POC1A: variants seen among roughly 807,000 people sequenced by gnomAD.
The protein encoded by POC1A is POC1 centriolar protein A.
A neutral mutation model predicts 47.8 loss-of-function variants in POC1A; 34 were observed. The ratio of observed to expected loss-of-function variants is 0.71; its 90% CI spans 0.54 to 0.95. The LOEUF is 0.95. Among genes scored for constraint, POC1A ranks in the 40% least tolerant of loss-of-function variants. The pLI is 0.00. For synonymous variants in POC1A, 177 were observed against 207.6 expected, an observed-to-expected ratio of 0.85 and a Z score of 1.27; for missense variants, 466 against 528.3, an observed-to-expected ratio of 0.88 and a Z score of 1.16.
chr3:52,135,636 C>G (rs745982969), intron 7 of POC1A, among the ~76,000 whole-genome samples: 3 of 152,186 alleles, frequency 2.0e-5, no homozygotes, highest in African/African-American at 4.8e-5. Flanking sequence ...AGACCTGGGT[C>G]CCAGGGGTGC....
chr3:52,116,955 A>G (rs1703586043), intron 9 of POC1A, among the ~76,000 whole-genome samples: 1 of 152,128 alleles, frequency 6.6e-6, no homozygotes, highest in Non-Finnish European at 1.5e-5. Context: ...TGGGAGGCCA[A>G]CGCAGGTGGA....
At chr3:52,138,086 C>T in intron 7 of POC1A, 83 bp downstream of exon 7, 1 of 1,463,740 alleles carries the variant, frequency 6.8e-7, no homozygotes, top group South Asian at 1.2e-5. Flanking sequence ...GGGTGACAAG[C>T]CTGTTTCTGC....
chr3:52,086,754 C>A (rs1359470923), intron 10 of POC1A, among the ~76,000 whole-genome samples: 1 of 152,234 alleles, frequency 6.6e-6, no homozygotes, highest in Non-Finnish European at 1.5e-5. Flanking sequence ...AGCTCAGGGG[C>A]CTTCATGTCA....
intron 9 of POC1A, among the ~76,000 whole-genome samples, chr3:52,104,832 G>T (rs936325855): frequency 6.6e-6 from 1 of 152,242 alleles, no homozygotes; most frequent in African/African-American, 2.4e-5. Flanking sequence ...AGTCCATGGA[G>T]TGTCAGGCCT....
intron 9 of POC1A, among the ~76,000 whole-genome samples, chr3:52,105,786 G>A (rs1360075759): frequency 6.6e-6 from 1 of 152,228 alleles, no homozygotes; most frequent in Non-Finnish European, 1.5e-5. Context: ...GGCAGCCTGA[G>A]CATGAGGGTG....
At position 52,084,318 on chromosome 3, in the gene POC1A, C is replaced by T. The variant is rs1290160904; in HGVS notation, c.1126-8333G>A. Among the ~76,000 whole-genome samples the T allele has an allele frequency of 6.6e-6, 1 of 152,226 alleles. No individual in the cohort carries two copies. The highest frequency in any genetic ancestry group is 1.5e-5 in the Non-Finnish European group (1 of 68,034). On this transcript the variant is annotated intron_variant, in intron 10 of 10. Transcript: ENST00000296484. This position sits in a 1 kb window ranked among gnomAD's most constrained non-coding sequence, Gnocchi z 4.3. The stretch of plus-strand genomic sequence containing the variant: ...ACCTTTGCTGAAGGCTTCCCTCATG[C>T]ACTCATGGGCAAACATGGCAGGGAA...
intron 1 of POC1A, among the ~76,000 whole-genome samples, chr3:52,151,485 C>T (rs1435135678): frequency 6.6e-6 from 1 of 151,798 alleles, no homozygotes; most frequent in Non-Finnish European, 1.5e-5. Context: ...GTGGCAGGCG[C>T]CTATAATCCC....
chr3:52,150,964 C>A lies in POC1A; in HGVS notation c.103+52G>T, dbSNP rs375626985. 75 of 1,559,502 alleles carry A rather than the reference C, an allele frequency of 4.8e-5. No homozygotes were observed. In the African/African-American group the frequency reaches 8.3e-4, roughly 17 times the overall value. The stretch of plus-strand genomic sequence containing the variant: ...ACCCACCACCCCTCCGAGGTAAAAA[C>A]TTGGCCTGTTCAGCTCATAACCTAG... On this transcript the variant is annotated intron_variant, in intron 2 of 10. Coordinates refer to ENST00000296484, the MANE Select transcript of POC1A (RefSeq NM_015426.5).
At chr3:52,146,929 C>T (rs1053091157) in intron 5 of POC1A, 59 bp downstream of exon 5, 8 of 1,394,526 alleles carry the variant, frequency 5.7e-6, no homozygotes, top group Non-Finnish European at 8.2e-6. Flanking sequence ...CTCCTCATGC[C>T]CAGGTCTGTG....
chr3:52,096,797 A>C, intron 9 of POC1A, 85 bp from the exon 10 acceptor site: 1 of 1,259,090 alleles, frequency 7.9e-7, no homozygotes, highest in Non-Finnish European at 1.1e-6. Context: ...AAAGGATGAA[A>C]GGGAAAACCA....
intron 9 of POC1A, among the ~76,000 whole-genome samples, chr3:52,110,433 C>T (rs1703341410): frequency 6.6e-6 from 1 of 152,128 alleles, no homozygotes; most frequent in African/African-American, 2.4e-5. Flanking sequence ...CAGACTTAAG[C>T]GACAGGTTTA....
intron 10 of POC1A, among the ~76,000 whole-genome samples, chr3:52,089,628 C>T (rs1158496148): frequency 6.6e-6 from 1 of 152,092 alleles, no homozygotes; most frequent in African/African-American, 2.4e-5. Context: ...GCCCTGTCTG[C>T]GAGTGGAAGC....
rs776023500 is a variant in POC1A at position 52,138,285 on chromosome 3, TCACTGCTG to T, written c.689_696del (p.Ala230GlufsTer18). ...CCCGACGGGTGGAAAGAGAGCCCGT[TCACTGCTG>T]CACTGTGCACTGGGGGAAGGACATC... On this transcript the variant is annotated frameshift_variant, in exon 7 of 11. Transcript: ENST00000296484. LOFTEE classifies it high-confidence loss of function. 3 of 1,612,986 alleles carry T rather than the reference TCACTGCTG, an allele frequency of 1.9e-6. No homozygotes were observed. Among genetic ancestry groups the T allele is most frequent in the Non-Finnish European group, 2.5e-6 (3 of 1,179,492 alleles).
chr3:52,111,125 G>A (rs1703365659), intron 9 of POC1A, among the ~76,000 whole-genome samples: 1 of 152,160 alleles, frequency 6.6e-6, no homozygotes, highest in South Asian at 2.1e-4. Context: ...ATTGGTTTAA[G>A]TCATTAAATA....
rs747567546 is a variant in POC1A at position 52,149,227 on chromosome 3, G to C, written c.438C>G (p.Asn146Lys). The C allele has an allele frequency of 3.1e-6, 5 of 1,614,012 alleles. No homozygotes were observed. The African/African-American group carries it at 5.3e-5, about 17-fold the overall frequency. ...ATGCTCACTTGGCACAGCGGACCCA[G>C]TTGATATGCTGGCTCAGGGAGAACA... ...KFLFSLSQHINWVRCAKFSPD... is the reference protein window; with the variant it reads ...KFLFSLSQHIKWVRCAKFSPD... Residue 146 changes from asparagine to lysine, a missense_variant, in exon 4 of 11, where the codon AAC (asparagine) becomes AAG (lysine). Physicochemically the swap from Asn to Lys is moderately conservative, Grantham distance 94 (BLOSUM62 0). Coordinates refer to ENST00000296484, the MANE Select transcript of POC1A (RefSeq NM_015426.5).
intron 9 of POC1A, among the ~76,000 whole-genome samples, chr3:52,103,060 C>T (rs111605266): frequency 3.3e-5 from 5 of 152,316 alleles, no homozygotes; most frequent in South Asian, 2.1e-4. Context: ...GACCAGTATC[C>T]GGCCAGTTAA....
intron 8 of POC1A, among the ~76,000 whole-genome samples, chr3:52,123,068 T>C (rs1396024012): frequency 6.6e-6 from 1 of 152,222 alleles, no homozygotes; most frequent in Non-Finnish European, 1.5e-5. Flanking sequence ...CCTCAGTTCC[T>C]GCATCTGCGA....
At chr3:52,131,154 T>C (rs1704197407) in intron 7 of POC1A, among the ~76,000 whole-genome samples, 1 of 148,316 alleles carries the variant, frequency 6.7e-6, no homozygotes, top group Admixed American at 6.7e-5. Context: ...CTCTCCCAAA[T>C]AGCTCTAGAG....
At chr3:52,085,683 G>A (rs766873080) in intron 10 of POC1A, among the ~76,000 whole-genome samples, 5 of 152,210 alleles carry the variant, frequency 3.3e-5, no homozygotes, top group Non-Finnish European at 7.3e-5. Flanking sequence ...TGGTAAGCAC[G>A]AAGGCTCCTC....
Sources: gnomAD v4.1 joint callset for allele counts (sites outside exome capture counted in the v4.1 genomes callset) on GRCh38, gnomAD v4.1.1 for gene constraint, Gnocchi (gnomAD v3.1) non-coding constraint, MANE v1.5 for transcripts, NCBI Gene and HGNC (gene_info 2026-07-23, HGNC 2026-07-21) for gene names.